The following ZNF782 variants were observed in gnomAD, a reference collection of about 807,000 sequenced individuals.
The protein encoded by ZNF782 is zinc finger protein 782.
Under a neutral mutation model 13.0 loss-of-function variants are expected in ZNF782, and 12 were observed. The ratio of observed to expected loss-of-function variants is 0.92; its 90% confidence interval spans 0.59 to 1.50. The LOEUF is 1.50. Among genes scored for constraint, ZNF782 ranks in the 40% most tolerant of loss-of-function variants. The pLI, the probability that ZNF782 is intolerant of heterozygous loss-of-function variation, is 0.00. For synonymous variants in ZNF782, 284 were observed against 283.0 expected, an observed-to-expected ratio of 1.00 and a Z score of -0.04; for missense variants, 770 against 822.9, an observed-to-expected ratio of 0.94 and a Z score of 0.79.
chr9:96,886,186 T>C, the ZNF782 span, among the ~76,000 whole-genome samples: 1 of 128,382 alleles, frequency 7.8e-6, no homozygotes, highest in Non-Finnish European at 1.6e-5. Context: ...TGGAAGAAAG[T>C]AGAAAGCAAT....
chr9:96,819,324 A>G lies in ZNF782; in HGVS notation c.699T>C (p.Ser233=), dbSNP rs1359306000. Residue 233 remains serine, a synonymous_variant, in exon 6 of 6, where the codon TCT becomes TCC. Coordinates refer to ENST00000481138, the MANE Select transcript of ZNF782 (RefSeq NM_001001662.3). ...AFLEKAALVT[S]NSTHPKGKSY... ...ATTTTCCTTTTGGGTGGGTACTGTT[A>G]GATGTAACAAGGGCAGCCTTTTCAA... 1.2e-6 allele frequency: 2 copies of G among 1,607,928 alleles called. No homozygotes were observed. Among genetic ancestry groups the G allele is most frequent in the African/African-American group, 1.3e-5 (1 of 74,430 alleles).
chr9:96,818,297 T>C lies in ZNF782; in HGVS notation c.1726A>G (p.Asn576Asp). The C allele has an allele frequency of 6.2e-7, 1 of 1,614,156 alleles. No individual in the cohort carries two copies. Among genetic ancestry groups the C allele is most frequent in the Non-Finnish European group, 8.5e-7 (1 of 1,180,026 alleles). ...TGAGTTCTGTGATGTACTCTGAGGTTTGATTTCTGACTGAAAGCTTCCCCA... is the reference window on the plus strand; with the variant it reads ...TGAGTTCTGTGATGTACTCTGAGGTCTGATTTCTGACTGAAAGCTTCCCCA... ...HCGEAFSQKS[N>D]LRVHHRTHTG... Residue 576 changes from asparagine (N) to aspartate (D), a missense_variant, in exon 6 of 6, where the codon AAC becomes GAC. Asn to Asp is a conservative substitution (Grantham distance 23). Transcript: ENST00000481138.
the ZNF782 span, among the ~76,000 whole-genome samples, chr9:96,914,080 A>G: frequency 6.6e-6 from 1 of 151,692 alleles, no homozygotes; most frequent in Non-Finnish European, 1.5e-5. Context: ...GTAATAAAAT[A>G]AAATACATAT....
At position 96,819,450 on chromosome 9, in the gene ZNF782, T is replaced by C. The variant is rs1035921161; in HGVS notation, c.573A>G (p.Lys191=). Residue 191 remains lysine (K), a synonymous_variant, in exon 6 of 6, where the codon AAA becomes AAG. Coordinates refer to ENST00000481138, the MANE Select transcript of ZNF782 (RefSeq NM_001001662.3). The stretch of plus-strand genomic sequence containing the variant: ...CCTTATGATGGAGGGTTTTCACAAT[T>C]TTACTATAAGCGAAAGATTTCTCTT... ...NTQEKSFAYS[K]IVKTLHHKEE... 1.2e-6 allele frequency: 2 copies of C among 1,613,836 alleles called. No individual in the cohort carries two copies. Among genetic ancestry groups the C allele is most frequent in the Non-Finnish European group, 1.7e-6 (2 of 1,179,990 alleles).
At chr9:96,853,927 A>G (rs894014968) in intron 1 of ZNF782, among the ~76,000 whole-genome samples, 161 bp downstream of exon 1, 5 of 152,272 alleles carry the variant, frequency 3.3e-5, no homozygotes, top group Admixed American at 1.3e-4. Flanking sequence ...ATGGCTTAGT[A>G]GCCTACAGTC....
rs774732621 is a variant in ZNF782 at position 96,851,985 on chromosome 9, T to G, written c.-24A>C. 8.1e-6 allele frequency: 13 copies of G among 1,613,302 alleles called. No homozygotes were observed. The highest frequency in any genetic ancestry group is 3.3e-5 in the South Asian group (3 of 91,056). On this transcript the variant is annotated 5_prime_UTR_variant, in exon 3 of 6. Transcript: ENST00000481138. ...ATTTTCTGTGGCTCTTGGGAGAGTA[T>G]AGAGAACTGTAAAGCCTCAGCTGGG...
chr9:96,880,112 G>T (rs185419192), upstream of ZNF782, among the ~76,000 whole-genome samples: 3 of 151,130 alleles, frequency 2.0e-5, no homozygotes, highest in East Asian at 5.9e-4. Flanking sequence ...ACGTAATATG[G>T]TTGATATTTA....
At chr9:96,911,499 G>GTTTTTTTT in the ZNF782 span, among the ~76,000 whole-genome samples, 1 of 133,718 alleles carries the variant, frequency 7.5e-6, no homozygotes, top group East Asian at 2.5e-4. Context: ...TTTCTTACAA[G>GTTTTTTTT]TTTTTTTTTT....
chr9:96,930,964 G>A, the ZNF782 span, among the ~76,000 whole-genome samples: 11 of 132,594 alleles, frequency 8.3e-5, no homozygotes, highest in East Asian at 4.7e-4. Flanking sequence ...GCACGATCTC[G>A]GCTCACTGCA....
chr9:96,827,436 C>T (rs577934955), intron 4 of ZNF782, among the ~76,000 whole-genome samples: 3 of 152,114 alleles, frequency 2.0e-5, no homozygotes, highest in South Asian at 4.1e-4. Flanking sequence ...CTCAGGTAAT[C>T]CTTCTGCCTC....
At chr9:96,886,899 G>A in the ZNF782 span, among the ~76,000 whole-genome samples, 1 of 145,670 alleles carries the variant, frequency 6.9e-6, no homozygotes, top group Admixed American at 6.9e-5. Context: ...TCCAGCCTGG[G>A]CAACAAGAGC....
intron 2 of ZNF782, among the ~76,000 whole-genome samples, chr9:96,861,075 T>C (rs1851697549): frequency 6.6e-6 from 1 of 152,204 alleles, no homozygotes; most frequent in Non-Finnish European, 1.5e-5. Context: ...AGTGAGTTTC[T>C]GTCTCTATTT....
chr9:96,867,200 C>G (rs140625751), intron 1 of ZNF782, among the ~76,000 whole-genome samples: 6 of 152,070 alleles, frequency 3.9e-5, no homozygotes, highest in Non-Finnish European at 7.4e-5. Context: ...TCTTGAATTT[C>G]CACGTGTTGT....
intron 4 of ZNF782, among the ~76,000 whole-genome samples, chr9:96,834,606 C>G (rs1850925168): frequency 6.6e-6 from 1 of 152,190 alleles, no homozygotes. Flanking sequence ...CACTTTCTGC[C>G]ATGAGTTGAA....
At position 96,850,931 on chromosome 9, in the gene ZNF782, G is replaced by A. The variant is rs73538647; in HGVS notation, c.15+1016C>T. Among the ~76,000 whole-genome samples, 1 of 152,070 alleles carries A rather than the reference G, an allele frequency of 6.6e-6. No homozygotes were observed. Among genetic ancestry groups the A allele is most frequent in the Non-Finnish European group, 1.5e-5 (1 of 67,996 alleles). On this transcript the variant is annotated intron_variant, in intron 3 of 5. Coordinates refer to ENST00000481138, the MANE Select transcript of ZNF782 (RefSeq NM_001001662.3). This position sits in a 1 kb window ranked among gnomAD's most constrained non-coding sequence, Gnocchi z 4.3. ...TTTGCATCTTAATAAATATATCTAA[G>A]TAAAGTGCTAAGTAAGTAGGCAAGT...
the ZNF782 span, among the ~76,000 whole-genome samples, chr9:96,911,009 C>A: frequency 6.8e-6 from 1 of 147,090 alleles, no homozygotes; most frequent in Non-Finnish European, 1.5e-5. Context: ...TATTTTTGTA[C>A]ATATTGTTAG....
At chr9:96,906,048 G>T in the ZNF782 span, among the ~76,000 whole-genome samples, 1 of 152,250 alleles carries the variant, frequency 6.6e-6, no homozygotes, top group Non-Finnish European at 1.5e-5. Flanking sequence ...GAGCACTGTT[G>T]TCATGAGAAT....
the ZNF782 span, chr9:96,895,595 A>T: frequency 6.6e-6 from 1 of 150,834 alleles, no homozygotes; most frequent in Admixed American, 6.6e-5. Flanking sequence ...TTGACTGTGC[A>T]TTGGGGAAAA....
intron 4 of ZNF782, among the ~76,000 whole-genome samples, chr9:96,828,030 G>A (rs555840602): frequency 2.6e-5 from 4 of 152,306 alleles, no homozygotes; most frequent in South Asian, 4.1e-4. Context: ...AAATGCCAGC[G>A]AAGAAAGAGC....
Sources: gnomAD v4.1 joint callset for allele counts (sites outside exome capture counted in the v4.1 genomes callset) on GRCh38, gnomAD v4.1.1 for gene constraint, Gnocchi (gnomAD v3.1) non-coding constraint, MANE v1.5 for transcripts, NCBI Gene and HGNC (gene_info 2026-07-23, HGNC 2026-07-21) for gene names.